Variants in TEX2 observed in about 807,000 individuals in gnomAD.
The protein encoded by TEX2 is testis expressed 2, also known as testis-expressed protein 2.
Under a neutral mutation model 106.9 loss-of-function variants are expected in TEX2, and 53 were observed. The ratio of observed to expected loss-of-function variants is 0.50; its 90% CI spans 0.40 to 0.62. The LOEUF (loss-of-function observed/expected upper bound fraction) is 0.62. Ranked by LOEUF, TEX2 falls within the 20% of genes least tolerant of loss-of-function variation. TEX2 has a pLI of 0.00. For synonymous variants in TEX2, 523 were observed against 534.8 expected (o/e 0.98, Z 0.30); for missense variants, 1,207 against 1,379.0 (o/e 0.88, Z 1.98).
chr17:64,238,531 A>G (rs535046718), intron 1 of TEX2, among the ~76,000 whole-genome samples: 59 of 152,406 alleles, frequency 3.9e-4, no homozygotes, highest in African/African-American at 1.2e-3. Flanking sequence ...TAATTGACTC[A>G]CAGTTTCACA....
Position 64,213,211 on chromosome 17 carries a change from C to T in TEX2, c.1007G>A (p.Gly336Glu). 1 of 1,614,184 alleles carries T rather than the reference C, an allele frequency of 6.2e-7. No homozygotes were observed. Among genetic ancestry groups the T allele is most frequent in the Non-Finnish European group, 8.5e-7 (1 of 1,180,036 alleles). Residue 336 changes from glycine to glutamate, a missense_variant, in exon 2 of 12, where the codon GGG becomes GAG. Gly to Glu is a moderately conservative substitution (Grantham distance 98). Coordinates refer to ENST00000584379, the MANE Select transcript of TEX2 (RefSeq NM_001288732.2). This position sits in a 1 kb window ranked among gnomAD's most constrained non-coding sequence, Gnocchi z 4.4. The part of the protein sequence containing the change: ...SELSNLSSLN[G>E]HLESNNNYSI... ...GTAGTTGTTATTGCTTTCCAAGTGC[C>T]CATTCAAGCTGGACAGATTGGAGAG... is the stretch of plus-strand genomic sequence containing the variant.
intron 7 of TEX2, among the ~76,000 whole-genome samples, chr17:64,166,380 G>A (rs1400977542): frequency 2.0e-5 from 3 of 152,206 alleles, no homozygotes; most frequent in Non-Finnish European, 4.4e-5. Flanking sequence ...AATGGTGTAC[G>A]AGCAGGACCC....
intron 1 of TEX2, among the ~76,000 whole-genome samples, chr17:64,227,525 T>G (rs2033540984): frequency 6.6e-6 from 1 of 152,220 alleles, no homozygotes; most frequent in African/African-American, 2.4e-5. Context: ...CTTTTAAAAA[T>G]TATTATAATC....
intron 1 of TEX2, among the ~76,000 whole-genome samples, chr17:64,258,398 CT>C (rs2143525358): frequency 6.6e-6 from 1 of 152,206 alleles, no homozygotes; most frequent in Admixed American, 6.5e-5. Context: ...GCTATCAGTC[CT>C]TGACCTTGCT....
rs1189099616 is a variant in TEX2 at position 64,205,836 on chromosome 17, G to T, written c.1644+6738C>A. On this transcript the variant is annotated intron_variant, in intron 2 of 11. Transcript: ENST00000584379. The surrounding 1 kb of genome is among the most constrained non-coding windows in gnomAD (Gnocchi z 4.0). ...AATATAATTTTAGTCAAACTTGCAG[G>T]CCATATCTTTAAAAAAGAGATGGAT... Among the ~76,000 whole-genome samples, 1 of 152,084 alleles carries T rather than the reference G, an allele frequency of 6.6e-6. No individual in the cohort carries two copies.
chr17:64,169,209 T>A (rs1021333172), intron 7 of TEX2, among the ~76,000 whole-genome samples: 1 of 152,122 alleles, frequency 6.6e-6, no homozygotes, highest in Non-Finnish European at 1.5e-5. Context: ...CGGCTGACTT[T>A]TGTATTTTTA....
intron 1 of TEX2, among the ~76,000 whole-genome samples, chr17:64,260,162 G>A (rs1444038598): frequency 1.3e-5 from 2 of 152,102 alleles, no homozygotes; most frequent in African/African-American, 2.4e-5. Flanking sequence ...GACAGACATC[G>A]GCATCTAACT....
Position 64,177,161 on chromosome 17 carries a change from A to T in TEX2, c.2571+164T>A, listed in dbSNP as rs978666984. Among the ~76,000 whole-genome samples the T allele has an allele frequency of 3.3e-5, 5 of 152,224 alleles. No individual in the cohort carries two copies. In the East Asian group the frequency reaches 9.6e-4, roughly 29 times the overall value. ...TAAGCCCCCAGATGCAATTAATCAT[A>T]AGGTCAGTCTGTGATCAAGGTCAGA... On this transcript the variant is annotated intron_variant, in intron 6 of 11. Transcript: ENST00000584379.
intron 7 of TEX2, among the ~76,000 whole-genome samples, chr17:64,161,971 GCCA>G (rs893470857): frequency 4.6e-5 from 7 of 151,986 alleles, no homozygotes; most frequent in Non-Finnish European, 8.8e-5. Context: ...CCCCTACACG[GCCA>G]CCACCTCAGA....
chr17:64,207,059 T>C (rs1567940802), intron 2 of TEX2, among the ~76,000 whole-genome samples: 1 of 152,224 alleles, frequency 6.6e-6, no homozygotes, highest in Non-Finnish European at 1.5e-5. Flanking sequence ...AATACATATG[T>C]CTGCAGTGAG....
intron 1 of TEX2, among the ~76,000 whole-genome samples, chr17:64,259,854 A>G (rs1449297952): frequency 6.6e-6 from 1 of 152,240 alleles, no homozygotes; most frequent in African/African-American, 2.4e-5. Context: ...TTATGTGCCA[A>G]AAAAGGAAGC....
intron 7 of TEX2, among the ~76,000 whole-genome samples, chr17:64,164,200 G>A (rs2031018569): frequency 6.6e-6 from 1 of 152,180 alleles, no homozygotes; most frequent in Non-Finnish European, 1.5e-5. Flanking sequence ...CACTTTGGGA[G>A]GCTGAGGCAG....
At chr17:64,257,015 A>C (rs1319926705) in intron 1 of TEX2, among the ~76,000 whole-genome samples, 1 of 152,210 alleles carries the variant, frequency 6.6e-6, no homozygotes, top group African/African-American at 2.4e-5. Flanking sequence ...TATTTGCAGG[A>C]GCAATCCAAC....
At chr17:64,245,521 C>T (rs1231544286) in intron 1 of TEX2, among the ~76,000 whole-genome samples, 3 of 152,182 alleles carry the variant, frequency 2.0e-5, no homozygotes, top group African/African-American at 7.2e-5. Flanking sequence ...CCTTCACCTG[C>T]TGCCATAGAT....
At chr17:64,222,024 T>C (rs2033371137) in intron 1 of TEX2, among the ~76,000 whole-genome samples, 1 of 151,562 alleles carries the variant, frequency 6.6e-6, no homozygotes, top group African/African-American at 2.4e-5. Context: ...GAGGAGGAAA[T>C]GGGGAGATGT....
chr17:64,149,248 T>C (rs2030218947), intron 11 of TEX2, 157 bp from the exon 12 acceptor site: 6 of 728,736 alleles, frequency 8.2e-6, no homozygotes, highest in Non-Finnish European at 1.3e-5. Flanking sequence ...ATACATACTT[T>C]AGAAAGAGTT....
chr17:64,187,878 T>C (rs568160380), intron 5 of TEX2, among the ~76,000 whole-genome samples: 2 of 152,200 alleles, frequency 1.3e-5, no homozygotes, highest in South Asian at 2.1e-4. Context: ...AGAAAAACAG[T>C]ACAAACTTTT....
At chr17:64,251,828 C>G (rs1019080459) in intron 1 of TEX2, among the ~76,000 whole-genome samples, 1 of 152,140 alleles carries the variant, frequency 6.6e-6, no homozygotes, top group Non-Finnish European at 1.5e-5. Context: ...GCCTAGAGCC[C>G]TCTTTAGTGT....
intron 2 of TEX2, among the ~76,000 whole-genome samples, chr17:64,198,797 T>C (rs935368130): frequency 1.3e-5 from 2 of 152,134 alleles, no homozygotes; most frequent in African/African-American, 4.8e-5. Flanking sequence ...GAATTACAGA[T>C]ACATGTACAA....
Sources: gnomAD v4.1 joint callset for allele counts (sites outside exome capture counted in the v4.1 genomes callset) on GRCh38, gnomAD v4.1.1 for gene constraint, Gnocchi (gnomAD v3.1) non-coding constraint, MANE v1.5 for transcripts, NCBI Gene and HGNC (gene_info 2026-07-23, HGNC 2026-07-21) for gene names.